Variants in FRMD4A observed in about 807,000 individuals in gnomAD.
FRMD4A encodes the protein FERM domain-containing protein 4A.
Under a neutral mutation model 129.1 loss-of-function variants are expected in FRMD4A, and 29 were observed. The ratio of observed to expected loss-of-function variants is 0.22; its 90% CI spans 0.17 to 0.31. The LOEUF (loss-of-function observed/expected upper bound fraction) is 0.31. FRMD4A is among the 10% of genes least tolerant of loss of function. The probability of loss-of-function intolerance (pLI) is 1.00; values close to 1 mark genes in which losing one functional copy is unlikely to be tolerated. For synonymous variants in FRMD4A, 634 were observed against 571.6 expected, an observed-to-expected ratio of 1.11 and a Z score of -1.56; for missense variants, 1,272 against 1,375.8, an observed-to-expected ratio of 0.92 and a Z score of 1.19.
intron 2 of FRMD4A, among the ~76,000 whole-genome samples, chr10:14,095,811 A>G (rs789760): frequency 0.66 from 100,582 of 152,134 alleles, 33,435 homozygotes; most frequent in East Asian, 0.81. Context: ...AATCATGCTG[A>G]GGCCTCTTCC....
rs1270975813 is a variant in FRMD4A, at chr10:13,665,779, C to A, written c.1603+318G>T. Among the ~76,000 whole-genome samples the A allele has an allele frequency of 3.3e-5, 5 of 152,342 alleles. No individual in the cohort carries two copies. The Middle Eastern group carries it at 0.01, about 311-fold the overall frequency. ...GTCCCTGAGAGTGTCAGAGCCTGGT[C>A]TAGCCCAGTCAACTCAGCTCAGTTC... is the stretch of plus-strand genomic sequence containing the variant. On this transcript the variant is annotated intron_variant, in intron 18 of 24. Coordinates refer to ENST00000357447, the MANE Select transcript of FRMD4A (RefSeq NM_018027.5).
intron 2 of FRMD4A, among the ~76,000 whole-genome samples, chr10:14,166,826 G>A (rs1340190916): frequency 2.0e-5 from 3 of 152,190 alleles, no homozygotes; most frequent in African/African-American, 7.2e-5. Flanking sequence ...CTAACCAGTT[G>A]CTTTGGCCTT....
chr10:13,811,884 G>GTTT (rs775972279), intron 3 of FRMD4A, among the ~76,000 whole-genome samples: 159 of 134,784 alleles, frequency 1.2e-3, no homozygotes, highest in African/African-American at 3.8e-3. Context: ...TTATCTGTTG[G>GTTT]TTTTTTTTTT....
rs1454560824 is a variant in FRMD4A at position 14,330,118 on chromosome 10, T to C, written c.-16A>G. 5 of 1,551,806 alleles carry C rather than the reference T, an allele frequency of 3.2e-6. No individual in the cohort carries two copies. The South Asian group carries it at 4.8e-5, about 15-fold the overall frequency. On this transcript the variant is annotated 5_prime_UTR_variant, in exon 2 of 25. It removes an upstream start codon present in the reference 5' UTR. Transcript: ENST00000357447. The stretch of plus-strand genomic sequence containing the variant: ...GCACTGCCATGGTCTCCGATTCCCA[T>C]GCACGAATCCTGCTGCCGAGTCAGT...
chr10:13,714,687 T>C (rs939113570), intron 12 of FRMD4A, among the ~76,000 whole-genome samples: 1 of 152,124 alleles, frequency 6.6e-6, no homozygotes, highest in Non-Finnish European at 1.5e-5. Context: ...ATGATTCCTA[T>C]AGCCAGAGAT....
chr10:13,975,796 T>A (rs2095540325), intron 2 of FRMD4A, among the ~76,000 whole-genome samples: 1 of 152,112 alleles, frequency 6.6e-6, no homozygotes, highest in Non-Finnish European at 1.5e-5. Context: ...ACAGAGGAGG[T>A]CCCAGCACAG....
chr10:13,965,636 A>T (rs1007444280), intron 2 of FRMD4A, among the ~76,000 whole-genome samples: 1 of 152,268 alleles, frequency 6.6e-6, no homozygotes, highest in African/African-American at 2.4e-5. Context: ...TATAAAAAAG[A>T]AACCTGTAAG....
intron 3 of FRMD4A, among the ~76,000 whole-genome samples, chr10:13,846,725 C>A (rs914392002): frequency 2.6e-5 from 4 of 152,156 alleles, no homozygotes; most frequent in African/African-American, 9.7e-5. Flanking sequence ...CACTGTCTCT[C>A]GTAAACAGCT....
At chr10:14,323,345 T>C (rs1379907530) in intron 2 of FRMD4A, among the ~76,000 whole-genome samples, 1 of 152,262 alleles carries the variant, frequency 6.6e-6, no homozygotes, top group Non-Finnish European at 1.5e-5. Context: ...CATGCATATC[T>C]GGTTGAATTA....
chr10:13,731,281 G>A (rs1266269920), intron 12 of FRMD4A, among the ~76,000 whole-genome samples: 1 of 152,160 alleles, frequency 6.6e-6, no homozygotes, highest in Non-Finnish European at 1.5e-5. Flanking sequence ...GAGGGAGGGG[G>A]AAACATCATT....
intron 4 of FRMD4A, among the ~76,000 whole-genome samples, chr10:13,801,585 A>G (rs2093255757): frequency 1.3e-5 from 2 of 152,234 alleles, no homozygotes; most frequent in African/African-American, 2.4e-5. Context: ...GACTGAAGGG[A>G]CATGTGACTT....
At chr10:13,995,295 T>C (rs1447991816) in intron 2 of FRMD4A, among the ~76,000 whole-genome samples, 1 of 152,150 alleles carries the variant, frequency 6.6e-6, no homozygotes, top group East Asian at 1.9e-4. Context: ...GCGAGTAAGA[T>C]GATCTGGGCT....
intron 2 of FRMD4A, among the ~76,000 whole-genome samples, chr10:13,988,446 T>G (rs1011044258): frequency 1.8e-4 from 27 of 152,220 alleles, no homozygotes; most frequent in Non-Finnish European, 3.5e-4. Flanking sequence ...CCTTTCTCTC[T>G]TATGATCACC....
At chr10:14,251,318 C>T (rs914265267) in intron 2 of FRMD4A, among the ~76,000 whole-genome samples, 11 of 152,088 alleles carry the variant, frequency 7.2e-5, no homozygotes, top group African/African-American at 2.4e-4. Flanking sequence ...GCTTTACTAA[C>T]CCAGGGGAGG....
chr10:14,111,208 T>C (rs1009092677), intron 2 of FRMD4A, among the ~76,000 whole-genome samples: 4 of 152,234 alleles, frequency 2.6e-5, no homozygotes, highest in African/African-American at 9.6e-5. Flanking sequence ...TTGACTCTTC[T>C]AGGAATTCAT....
intron 2 of FRMD4A, among the ~76,000 whole-genome samples, chr10:14,004,717 G>C (rs1370414956): frequency 6.6e-6 from 1 of 152,064 alleles, no homozygotes; most frequent in Non-Finnish European, 1.5e-5. Flanking sequence ...CAAAGGGGTG[G>C]GCAGTGTGGA....
At chr10:14,086,493 GATT>G (rs1836286683) in intron 2 of FRMD4A, among the ~76,000 whole-genome samples, 1 of 152,112 alleles carries the variant, frequency 6.6e-6, no homozygotes, top group Non-Finnish European at 1.5e-5. Flanking sequence ...TGGAACATAG[GATT>G]ATTTCCCACT....
intron 2 of FRMD4A, among the ~76,000 whole-genome samples, chr10:14,203,586 T>C (rs1384029642): frequency 2.0e-5 from 3 of 152,264 alleles, no homozygotes; most frequent in African/African-American, 7.2e-5. Context: ...CGGCTAAATT[T>C]GCCCTTACTT....
chr10:13,718,501 T>G (rs528474859), intron 12 of FRMD4A, among the ~76,000 whole-genome samples: 4 of 152,338 alleles, frequency 2.6e-5, no homozygotes, highest in African/African-American at 9.6e-5. Flanking sequence ...CTACGGATCC[T>G]CTTGCGGGAG....
Sources: allele counts gnomAD v4.1 joint callset (sites outside exome capture counted in the v4.1 genomes callset), GRCh38; gene constraint gnomAD v4.1.1; transcripts MANE v1.5; gene names NCBI Gene and HGNC (gene_info 2026-07-23, HGNC 2026-07-21).